MGMT: variants seen among roughly 807,000 people sequenced by gnomAD.
The protein encoded by MGMT is O-6-methylguanine-DNA methyltransferase, also known as methylated-DNA--protein-cysteine methyltransferase.
Under a neutral mutation model 15.9 loss-of-function variants are expected in MGMT, and 14 were observed. That is an observed-to-expected ratio of 0.88 (90% confidence interval 0.58 to 1.37). MGMT has a LOEUF of 1.37. Among genes scored for constraint, MGMT ranks in the 40% most tolerant of loss-of-function variants. MGMT has a pLI of 0.00. For missense variants in MGMT, 282 were observed against 268.1 expected (o/e 1.05, Z -0.36); for synonymous variants, 130 against 118.2 (o/e 1.10, Z -0.65).
chr10:129,706,743 G>C (rs971447316), intron 2 of MGMT, among the ~76,000 whole-genome samples: 2 of 152,156 alleles, frequency 1.3e-5, no homozygotes, highest in Admixed American at 6.5e-5. Flanking sequence ...ACAGCCCCAG[G>C]TGGCAGCGGG....
chr10:129,594,076 A>G (rs1846722155), intron 2 of MGMT, among the ~76,000 whole-genome samples: 1 of 152,200 alleles, frequency 6.6e-6, no homozygotes, highest in South Asian at 2.1e-4. Flanking sequence ...CGAGGCCGGC[A>G]AAGAATTCAC....
intron 2 of MGMT, among the ~76,000 whole-genome samples, chr10:129,604,251 T>TG (rs1846860310): frequency 6.6e-6 from 1 of 152,208 alleles, no homozygotes; most frequent in African/African-American, 2.4e-5. Context: ...GTGAAGTGGA[T>TG]GGTGGATTTG....
chr10:129,567,921 T>A (rs960613880), intron 2 of MGMT, among the ~76,000 whole-genome samples: 1 of 152,206 alleles, frequency 6.6e-6, no homozygotes, highest in Non-Finnish European at 1.5e-5. Flanking sequence ...TTCAGAGATA[T>A]GGAAGCCAAA....
At chr10:129,693,558 C>G (rs866973855) in intron 2 of MGMT, among the ~76,000 whole-genome samples, 1 of 152,228 alleles carries the variant, frequency 6.6e-6, no homozygotes, top group East Asian at 1.9e-4. Flanking sequence ...AGTGTGTCTG[C>G]TCAGGGGGAG....
Position 129,595,713 on chromosome 10 carries a change from A to C in MGMT, c.125+59336A>C, listed in dbSNP as rs375081321. On this transcript the variant is annotated intron_variant, in intron 2 of 4. Coordinates refer to ENST00000651593, the MANE Select transcript of MGMT (RefSeq NM_002412.5). ...CACTGTTTCAGATGCTCAGCTTTCC[A>C]GGTGATTTTTCAAATCCCTGGCACA... Among the ~76,000 whole-genome samples the C allele has an allele frequency of 3.3e-4, 50 of 152,212 alleles. No homozygotes were observed. The East Asian group carries it at 8.9e-3, about 27-fold the overall frequency.
At chr10:129,577,341 T>C (rs1846496154) in intron 2 of MGMT, among the ~76,000 whole-genome samples, 1 of 152,068 alleles carries the variant, frequency 6.6e-6, no homozygotes, top group Non-Finnish European at 1.5e-5. Context: ...AACAGAGATA[T>C]AGACCAATGG....
intron 3 of MGMT, among the ~76,000 whole-genome samples, chr10:129,733,586 G>A (rs1390083379): frequency 2.6e-5 from 4 of 151,896 alleles, no homozygotes; most frequent in African/African-American, 2.4e-5. Flanking sequence ...TGTCAATTTT[G>A]TCTTTTGTTG....
intron 2 of MGMT, among the ~76,000 whole-genome samples, chr10:129,666,890 T>G (rs551558074): frequency 9.8e-5 from 15 of 152,342 alleles, no homozygotes; most frequent in African/African-American, 3.4e-4. Flanking sequence ...TGCTGGAAGT[T>G]CTTGGCTTGG....
intron 1 of MGMT, 187 bp downstream of exon 1, chr10:129,467,483 C>T (rs889546637): frequency 1.1e-6 from 1 of 952,216 alleles, no homozygotes; most frequent in Non-Finnish European, 1.3e-6. Context: ...AGCCTTTCCC[C>T]GGGCCTGGGG....
At chr10:129,731,738 T>A (rs1848500158) in intron 3 of MGMT, among the ~76,000 whole-genome samples, 1 of 152,166 alleles carries the variant, frequency 6.6e-6, no homozygotes, top group Admixed American at 6.5e-5. Flanking sequence ...ATAACAACAG[T>A]AAACCTATGG....
intron 2 of MGMT, among the ~76,000 whole-genome samples, chr10:129,629,691 C>T (rs983962723): frequency 1.1e-4 from 17 of 152,192 alleles, no homozygotes; most frequent in African/African-American, 2.9e-4. Context: ...CACGTTTCTG[C>T]CATTGCTCAC....
At chr10:129,726,655 A>T (rs1268815876) in intron 3 of MGMT, among the ~76,000 whole-genome samples, 1 of 152,204 alleles carries the variant, frequency 6.6e-6, no homozygotes, top group Non-Finnish European at 1.5e-5. Context: ...ATGCATGGAA[A>T]CTTGATATTG....
intron 1 of MGMT, among the ~76,000 whole-genome samples, chr10:129,486,747 A>G (rs781737457): frequency 1.3e-5 from 2 of 152,070 alleles, no homozygotes; most frequent in Non-Finnish European, 2.9e-5. Context: ...GATTCACATT[A>G]TTTTTCTCTT....
chr10:129,637,648 G>C (rs1847277495), intron 2 of MGMT, among the ~76,000 whole-genome samples: 1 of 152,204 alleles, frequency 6.6e-6, no homozygotes, highest in Non-Finnish European at 1.5e-5. Context: ...TGTATTTGGA[G>C]ATGGGGCCTT....
At chr10:129,649,788 T>C (rs1847435993) in intron 2 of MGMT, among the ~76,000 whole-genome samples, 1 of 152,206 alleles carries the variant, frequency 6.6e-6, no homozygotes, top group Non-Finnish European at 1.5e-5. Flanking sequence ...CAATACAAGA[T>C]AGCAAAAGTT....
Position 129,754,079 on chromosome 10 carries a change from G to A in MGMT, c.275-5123G>A, listed in dbSNP as rs181224106. Among the ~76,000 whole-genome samples the A allele has an allele frequency of 5.9e-3, 895 of 152,256 alleles. 5 individuals carry two copies. Among genetic ancestry groups the A allele is most frequent in the Non-Finnish European group, 8.7e-3 (593 of 68,012 alleles). On this transcript the variant is annotated intron_variant, in intron 3 of 4. Transcript: ENST00000651593. ...AGCCAGTTTGGGAACTGGCAGTGCCGAATTCTTACAGCAGTTCTCAAAGTC... is the reference window on the plus strand; with the variant it reads ...AGCCAGTTTGGGAACTGGCAGTGCCAAATTCTTACAGCAGTTCTCAAAGTC...
chr10:129,749,342 A>T (rs1183066272), intron 3 of MGMT, among the ~76,000 whole-genome samples: 1 of 152,052 alleles, frequency 6.6e-6, no homozygotes, highest in Non-Finnish European at 1.5e-5. Flanking sequence ...TTCTGTCTAT[A>T]TAGTTTTGCT....
At chr10:129,475,695 G>A (rs921597688) in intron 1 of MGMT, among the ~76,000 whole-genome samples, 9 of 152,206 alleles carry the variant, frequency 5.9e-5, no homozygotes, top group African/African-American at 2.2e-4. Context: ...CTCCAGCCCA[G>A]GCCAGCCTGA....
chr10:129,621,608 G>A (rs919365727), intron 2 of MGMT, among the ~76,000 whole-genome samples: 2 of 152,194 alleles, frequency 1.3e-5, no homozygotes, highest in South Asian at 2.1e-4. Context: ...ATGGTGAGCA[G>A]TGCATGGTTG....
Sources: gnomAD v4.1 joint callset for allele counts (sites outside exome capture counted in the v4.1 genomes callset) on GRCh38, gnomAD v4.1.1 for gene constraint, MANE v1.5 for transcripts, NCBI Gene and HGNC (gene_info 2026-07-23, HGNC 2026-07-21) for gene names.